ZEB2: variants seen among roughly 807,000 people sequenced by gnomAD.
ZEB2 encodes the protein zinc finger E-box binding homeobox 2, also known as zinc finger E-box-binding homeobox 2.
In ZEB2, 6 loss-of-function variants were observed where a neutral mutation model predicts 99.9. The observed-to-expected ratio is 0.06, with a 90% CI of 0.03 to 0.12. The LOEUF (loss-of-function observed/expected upper bound fraction) is 0.12, where lower values mean the gene tolerates loss of function less well. Among genes scored for constraint, ZEB2 ranks in the 10% least tolerant of loss-of-function variants. The probability of loss-of-function intolerance (pLI) is 1.00; values close to 1 mark genes in which losing one functional copy is unlikely to be tolerated. For missense variants in ZEB2, 969 were observed against 1,502.8 expected, an observed-to-expected ratio of 0.64 and a Z score of 5.87; for synonymous variants, 517 against 542.5, an observed-to-expected ratio of 0.95 and a Z score of 0.65.
At chr2:144,484,896 C>T (rs1194050231) in intron 2 of ZEB2, among the ~76,000 whole-genome samples, 1 of 151,884 alleles carries the variant, frequency 6.6e-6, no homozygotes, top group South Asian at 2.1e-4. Flanking sequence ...AACCAAAGAA[C>T]GTGGAGTTCA....
intron 2 of ZEB2, among the ~76,000 whole-genome samples, chr2:144,483,461 C>A (rs1056702747): frequency 2.6e-5 from 4 of 152,138 alleles, no homozygotes; most frequent in African/African-American, 9.7e-5. Flanking sequence ...AAAGTGGATA[C>A]ATTTGGAAAC....
chr2:144,415,076 A>G (rs1488688833), intron 4 of ZEB2, among the ~76,000 whole-genome samples: 1 of 149,782 alleles, frequency 6.7e-6, no homozygotes, highest in Non-Finnish European at 1.5e-5. Flanking sequence ...TTTTTTTTTA[A>G]CTGGGTAATC....
At chr2:144,512,058 T>C in intron 2 of ZEB2, 1 of 1,287,194 alleles carries the variant, frequency 7.8e-7, no homozygotes, top group Non-Finnish European at 1.0e-6. Flanking sequence ...ATTCAGACAA[T>C]TGCCCCCTTG....
At chr2:144,445,561 C>T (rs1473299967) in intron 2 of ZEB2, among the ~76,000 whole-genome samples, 1 of 152,126 alleles carries the variant, frequency 6.6e-6, no homozygotes, top group African/African-American at 2.4e-5. Flanking sequence ...GCACCCTAGT[C>T]TCACAGAAGA....
chr2:144,396,320 T>C (rs1703228778), intron 9 of ZEB2, 92 bp downstream of exon 9: 2 of 1,501,684 alleles, frequency 1.3e-6, no homozygotes, highest in Admixed American at 3.3e-5. Context: ...CAGCATATGT[T>C]ACATCTTATG....
chr2:144,389,601 T>C lies in ZEB2; in HGVS notation c.3495A>G (p.Glu1165=), dbSNP rs907774736. The change falls in exon 10 of 10, where the codon GAA becomes GAG. Residue 1165 remains glutamate (E), a synonymous_variant. Transcript: ENST00000627532. The surrounding 1 kb of genome is among the most constrained non-coding windows in gnomAD (Gnocchi z 6.8). ...DGDEEFEEEE[E]ESENKSMDTD... ...TATCCATACTTTTATTTTCACTTTC[T>C]TCCTCTTCCTCCTCGAACTCCTCGT... 2.7e-5 allele frequency: 43 copies of C among 1,614,056 alleles called. No homozygotes were observed. The highest frequency in any genetic ancestry group is 3.4e-5 in the Non-Finnish European group (40 of 1,180,048).
At chr2:144,418,637 G>A (rs1033865942) in intron 4 of ZEB2, among the ~76,000 whole-genome samples, 1 of 151,200 alleles carries the variant, frequency 6.6e-6, no homozygotes, top group Middle Eastern at 3.2e-3. Context: ...GCAGTGAGCC[G>A]AAATTGCACC....
intron 3 of ZEB2, chr2:144,428,842 T>A (rs1040094882): frequency 6.6e-6 from 1 of 152,180 alleles, no homozygotes; most frequent in African/African-American, 2.4e-5. Flanking sequence ...TTGTTGCTTA[T>A]GTTGTCAAAG....
At chr2:144,462,928 T>G (rs1253578770) in intron 2 of ZEB2, 1 of 152,190 alleles carries the variant, frequency 6.6e-6, no homozygotes, top group East Asian at 1.9e-4. Flanking sequence ...AGTATTGTAT[T>G]AGCACAGTTT....
rs568337755 is a variant in ZEB2, at chr2:144,389,569, G to T, written c.3527C>A (p.Pro1176His). 1.4e-5 allele frequency: 23 copies of T among 1,613,912 alleles called. 1 individual carries two copies. In the South Asian group the frequency reaches 2.5e-4, roughly 18 times the overall value. Residue 1176 changes from proline to histidine, a missense_variant, in exon 10 of 10, where the codon CCC becomes CAC. This residue lies in a region of ZEB2 where 121 missense variants were observed against 166.4 expected (regional missense o/e 0.73). Coordinates refer to ENST00000627532, the MANE Select transcript of ZEB2 (RefSeq NM_014795.4). This position sits in a 1 kb window ranked among gnomAD's most constrained non-coding sequence, Gnocchi z 6.8. ...CTCTTCTTCATCTCGTATCGTTTCG[G>T]GATCCGTATCCATACTTTTATTTTC... ...ESENKSMDTDPETIRDEEETG... is the reference protein window; with the variant it reads ...ESENKSMDTDHETIRDEEETG...
At chr2:144,473,680 A>T (rs1704390338) in intron 2 of ZEB2, among the ~76,000 whole-genome samples, 1 of 152,146 alleles carries the variant, frequency 6.6e-6, no homozygotes, top group African/African-American at 2.4e-5. Flanking sequence ...CAAGAAGATG[A>T]TCTAGAAGCA....
intron 2 of ZEB2, among the ~76,000 whole-genome samples, chr2:144,505,284 G>A (rs1704936841): frequency 6.6e-6 from 1 of 150,844 alleles, no homozygotes; most frequent in African/African-American, 2.4e-5. Flanking sequence ...CAATGTAATA[G>A]CTTGAACATT....
intron 2 of ZEB2, among the ~76,000 whole-genome samples, chr2:144,440,301 T>C (rs1703888604): frequency 6.6e-6 from 1 of 152,110 alleles, no homozygotes; most frequent in South Asian, 2.1e-4. Context: ...TTCTATACTT[T>C]GTACAATTGA....
chr2:144,513,655 A>G lies in ZEB2; in HGVS notation c.73+3623T>C, dbSNP rs755836774. The G allele has an allele frequency of 1.0e-5, 16 of 1,534,594 alleles. No homozygotes were observed. The South Asian group carries it at 1.9e-4, about 18-fold the overall frequency. ...CCTCTTCCCGGGCTCCGTGGGAGGCAGGAGGGAAGCAGGAGCATCCCAGGA... is the reference window on the plus strand; with the variant it reads ...CCTCTTCCCGGGCTCCGTGGGAGGCGGGAGGGAAGCAGGAGCATCCCAGGA... On this transcript the variant is annotated intron_variant, in intron 2 of 9. Transcript: ENST00000627532.
chr2:144,485,949 A>G (rs1014147173), intron 2 of ZEB2, among the ~76,000 whole-genome samples: 4 of 152,218 alleles, frequency 2.6e-5, no homozygotes, highest in Admixed American at 6.5e-5. Context: ...AGCTTAAGAA[A>G]GTAAAAAGGA....
At chr2:144,440,799 C>A (rs1341316617) in intron 2 of ZEB2, among the ~76,000 whole-genome samples, 1 of 151,316 alleles carries the variant, frequency 6.6e-6, no homozygotes, top group Non-Finnish European at 1.5e-5. Context: ...TGTAAATTGC[C>A]AACAAGGTCA....
intron 6 of ZEB2, among the ~76,000 whole-genome samples, chr2:144,403,181 CTG>C (rs1456094403): frequency 1.3e-5 from 2 of 152,140 alleles, no homozygotes; most frequent in Non-Finnish European, 2.9e-5. Flanking sequence ...TTAAGGAACA[CTG>C]TGAATCAATC....
intron 2 of ZEB2, among the ~76,000 whole-genome samples, chr2:144,465,899 C>G (rs1460761722): frequency 1.3e-5 from 2 of 152,168 alleles, no homozygotes; most frequent in African/African-American, 4.8e-5. Context: ...CCTAGAGCAA[C>G]TACTAGATAA....
Position 144,389,795 on chromosome 2 carries a change from A to C in ZEB2, c.3301T>G (p.Leu1101Val), listed in dbSNP as rs1395508810. 6.2e-7 allele frequency: 1 copy of C among 1,610,944 alleles called. No individual in the cohort carries two copies. Among genetic ancestry groups the C allele is most frequent in the African/African-American group, 1.3e-5 (1 of 74,782 alleles). Residue 1101 changes from leucine to valine, a missense_variant, in exon 10 of 10, where the codon TTG (leucine) becomes GTG (valine). Transcript: ENST00000627532. This position sits in a 1 kb window ranked among gnomAD's most constrained non-coding sequence, Gnocchi z 6.8. ...AEREAREKGH[L>V]EPTELLMNRA... is the part of the protein sequence containing the mutation. ...TTCATCAGCAGCTCGGTGGGTTCCAAGTGCCCTTTCTCGCGCGCCTCGCGC... is the reference window on the plus strand; with the variant it reads ...TTCATCAGCAGCTCGGTGGGTTCCACGTGCCCTTTCTCGCGCGCCTCGCGC...
Sources: gnomAD v4.1 joint callset for allele counts (sites outside exome capture counted in the v4.1 genomes callset) on GRCh38, gnomAD v4.1.1 for gene constraint, gnomAD v4.1.1 regional missense constraint, Gnocchi (gnomAD v3.1) non-coding constraint, MANE v1.5 for transcripts, NCBI Gene and HGNC (gene_info 2026-07-23, HGNC 2026-07-21) for gene names.